JARID2: variants seen among roughly 807,000 people sequenced by gnomAD.
JARID2 encodes protein Jumonji.
Under a neutral mutation model 125.6 loss-of-function variants are expected in JARID2, and 21 were observed. The ratio of observed to expected loss-of-function variants is 0.17; its 90% CI spans 0.12 to 0.24. The LOEUF is 0.24. Ranked by LOEUF, JARID2 falls within the 10% of genes least tolerant of loss-of-function variation. The pLI is 1.00. For synonymous variants in JARID2, 736 were observed against 661.6 expected (o/e 1.11, Z -1.73); for missense variants, 1,303 against 1,639.6 (o/e 0.79, Z 3.55).
chr6:15,504,636 C>T lies in JARID2; in HGVS notation c.2541+44C>T, dbSNP rs1179088151. On this transcript the variant is annotated intron_variant, in intron 9 of 17. Transcript: ENST00000341776. ...CACGCTGCCTCTCATGGTGTGGGAA[C>T]CCCTCGGCGAGCTGGAGGACATCCT... The T allele has an allele frequency of 2.3e-6, 3 of 1,318,612 alleles. No individual in the cohort carries two copies. In the East Asian group the frequency reaches 6.9e-5, roughly 30 times the overall value. The allele number at this position is 1,318,612 out of a possible 1,614,324, so 81.7% of individuals were successfully genotyped here.
Position 15,324,653 on chromosome 6 carries a change from T to TG in JARID2, c.46-49464_46-49463insG, listed in dbSNP as rs1186045760. Among the ~76,000 whole-genome samples the TG allele has an allele frequency of 9.1e-3, 1,292 of 142,564 alleles. 12 individuals carry two copies. Among genetic ancestry groups the TG allele is most frequent in the Admixed American group, 0.028 (401 of 14,184 alleles). 93.5% of individuals were successfully genotyped at this position (142,564 alleles called of 152,430 possible). A position where few individuals can be genotyped will look rare whatever the true frequency, so the allele number is the denominator to read the frequency against. ...CACCACGCCTGGCTGATTTTTGTGTTTTTTTTTTTTTTTGGTAGTTTTGTA... is the reference window on the plus strand; with the variant it reads ...CACCACGCCTGGCTGATTTTTGTGTTGTTTTTTTTTTTTTGGTAGTTTTGTA... On this transcript the variant is annotated intron_variant, in intron 1 of 17. Coordinates refer to ENST00000341776, the MANE Select transcript of JARID2 (RefSeq NM_004973.4).
intron 6 of JARID2, among the ~76,000 whole-genome samples, chr6:15,489,290 A>G (rs910271289): frequency 9.2e-5 from 14 of 152,200 alleles, no homozygotes; most frequent in Non-Finnish European, 5.9e-5. Flanking sequence ...TGGAGGCCAT[A>G]TCCAGGTGAG....
chr6:15,413,000 G>GTTTTTTTTTTTTTTTTTTTTTTTTTT (rs1561845196), intron 3 of JARID2, among the ~76,000 whole-genome samples: 1 of 65,028 alleles, frequency 1.5e-5, no homozygotes, highest in African/African-American at 6.0e-5. Flanking sequence ...GGAAGAGCTT[G>GTTTTTTTTTTTTTTTTTTTTTTTTTT]TGTTTTTGTT....
intron 5 of JARID2, among the ~76,000 whole-genome samples, chr6:15,484,667 C>T (rs1769781072): frequency 6.6e-6 from 1 of 152,126 alleles, no homozygotes. Context: ...TGCCCAGCTG[C>T]AAACAACAGA....
chr6:15,348,721 C>G (rs1000063639), intron 1 of JARID2, among the ~76,000 whole-genome samples: 10 of 152,158 alleles, frequency 6.6e-5, no homozygotes, highest in Non-Finnish European at 1.3e-4. Flanking sequence ...AAAAAGCCCA[C>G]AGTCAAGCTT....
intron 1 of JARID2, among the ~76,000 whole-genome samples, chr6:15,292,778 C>G (rs930858272): frequency 1.3e-5 from 2 of 152,180 alleles, no homozygotes; most frequent in African/African-American, 4.8e-5. Context: ...AGTGATCGTC[C>G]ACTTCAGCAT....
chr6:15,279,704 G>T lies in JARID2; in HGVS notation c.45+33120G>T, dbSNP rs970910088. Among the ~76,000 whole-genome samples the T allele has an allele frequency of 2.0e-5, 3 of 152,034 alleles. 1 individual carries two copies. In the South Asian group the frequency reaches 6.2e-4, roughly 32 times the overall value. On this transcript the variant is annotated intron_variant, in intron 1 of 17. Coordinates refer to ENST00000341776, the MANE Select transcript of JARID2 (RefSeq NM_004973.4). ...GTGTTAATTTGTCAGAGTTGATGAG[G>T]CACTACCCTCTAATCTCCCTACTGT...
intron 3 of JARID2, among the ~76,000 whole-genome samples, chr6:15,431,089 T>TTG (rs1024008406): frequency 3.9e-5 from 6 of 152,206 alleles, no homozygotes; most frequent in African/African-American, 1.2e-4. Flanking sequence ...TTTCTGGAGC[T>TTG]TGTAGTTTTT....
intron 1 of JARID2, among the ~76,000 whole-genome samples, chr6:15,288,700 G>A (rs1296450267): frequency 6.6e-6 from 1 of 152,132 alleles, no homozygotes; most frequent in Non-Finnish European, 1.5e-5. Context: ...CTTTATTCAG[G>A]CCTCAGCTTG....
chr6:15,366,518 C>CGGGGGGGGGG (rs1367437795), intron 1 of JARID2, among the ~76,000 whole-genome samples: 2 of 14,404 alleles, frequency 1.4e-4, no homozygotes, highest in Non-Finnish European at 3.8e-4. Flanking sequence ...GCGGGGGGGG[C>CGGGGGGGGGG]GGGGGGGGTG....
chr6:15,295,664 A>G (rs1270862760), intron 1 of JARID2, among the ~76,000 whole-genome samples: 3 of 151,690 alleles, frequency 2.0e-5, no homozygotes, highest in Non-Finnish European at 2.9e-5. Context: ...AGGGTTATTT[A>G]TTTATTTATT....
chr6:15,339,180 A>G (rs919867846), intron 1 of JARID2, among the ~76,000 whole-genome samples: 2 of 152,160 alleles, frequency 1.3e-5, no homozygotes, highest in African/African-American at 4.8e-5. Context: ...ACCTAGAACT[A>G]GGACCGGGCC....
chr6:15,278,822 A>G (rs1411854463), intron 1 of JARID2, among the ~76,000 whole-genome samples: 1 of 152,130 alleles, frequency 6.6e-6, no homozygotes, highest in Non-Finnish European at 1.5e-5. Context: ...TAATCCCAGC[A>G]CTTTGAGAGG....
In JARID2 at chr6:15,395,800, G is replaced by A. The variant is rs183302793; in HGVS notation, c.182-14424G>A. On this transcript the variant is annotated intron_variant, in intron 2 of 17. Coordinates refer to ENST00000341776, the MANE Select transcript of JARID2 (RefSeq NM_004973.4). ...CTGCCTCAGCCTCCCGAGTAGCTGG[G>A]ACTACAGGTGTGCACCACCATGCCT... Among the ~76,000 whole-genome samples, 417 of 152,152 alleles carry A rather than the reference G, an allele frequency of 2.7e-3. 3 individuals carry two copies. The highest frequency in any genetic ancestry group is 9.1e-3 in the African/African-American group (379 of 41,494).
At chr6:15,297,179 C>G (rs955527573) in intron 1 of JARID2, among the ~76,000 whole-genome samples, 2 of 152,146 alleles carry the variant, frequency 1.3e-5, no homozygotes, top group Non-Finnish European at 2.9e-5. Flanking sequence ...GAGAAGGAGT[C>G]TCACTCTGTT....
At chr6:15,486,806 CTTTTT>C (rs56268949) in intron 5 of JARID2, among the ~76,000 whole-genome samples, 1 of 100,512 alleles carries the variant, frequency 9.9e-6, no homozygotes, top group African/African-American at 4.8e-5. Context: ...TGAGAATAGA[CTTTTT>C]TTTTTTTTTT....
At chr6:15,327,597 A>C (rs1368237378) in intron 1 of JARID2, among the ~76,000 whole-genome samples, 1 of 151,928 alleles carries the variant, frequency 6.6e-6, no homozygotes, top group East Asian at 1.9e-4. Flanking sequence ...GCATGCTGCC[A>C]GTGGGTGGTG....
At chr6:15,485,777 A>G (rs1769837074) in intron 5 of JARID2, among the ~76,000 whole-genome samples, 2 of 152,250 alleles carry the variant, frequency 1.3e-5, no homozygotes, top group South Asian at 2.1e-4. Flanking sequence ...AGTATTTGCA[A>G]TTTATAAGAC....
intron 1 of JARID2, among the ~76,000 whole-genome samples, chr6:15,362,762 T>C (rs1763845365): frequency 6.6e-6 from 1 of 152,130 alleles, no homozygotes; most frequent in South Asian, 2.1e-4. Context: ...GTGGGGTAGA[T>C]GGTTGGAATT....
Sources: allele counts gnomAD v4.1 joint callset (sites outside exome capture counted in the v4.1 genomes callset), GRCh38; gene constraint gnomAD v4.1.1; transcripts MANE v1.5; gene names NCBI Gene and HGNC (gene_info 2026-07-23, HGNC 2026-07-21).